Variants in PXN observed in about 807,000 individuals in gnomAD.
The protein encoded by PXN is testicular tissue protein Li 134.
In PXN, 61 loss-of-function variants were observed where a neutral mutation model predicts 103.6. The observed-to-expected ratio is 0.59, with a 90% CI of 0.48 to 0.73. The LOEUF (loss-of-function observed/expected upper bound fraction) is 0.73. Among genes scored for constraint, PXN ranks in the 30% least tolerant of loss-of-function variants. The pLI is 0.00. For synonymous variants in PXN, 562 were observed against 607.8 expected (o/e 0.92, Z 1.11); for missense variants, 1,274 against 1,460.3 (o/e 0.87, Z 2.08).
chr12:120,260,667 C>A (rs976346560), intron 1 of PXN, among the ~76,000 whole-genome samples: 4 of 152,106 alleles, frequency 2.6e-5, no homozygotes, highest in Non-Finnish European at 4.4e-5. Context: ...GTATTATGAA[C>A]AGAAGTGTAA....
rs1410094792 is a variant in PXN, at chr12:120,229,072, C to A, written c.14-4695G>T. On this transcript the variant is annotated intron_variant, in intron 1 of 14. Transcript: ENST00000637617. This position sits in a 1 kb window ranked among gnomAD's most constrained non-coding sequence, Gnocchi z 4.0. ...GGACCGGTTCGCCTGCATTCCAGGG[C>A]AAGTGCTGCAGCTGCATCCCTCACA... 6.6e-6 allele frequency among the ~76,000 whole-genome samples: 1 copy of A among 152,158 alleles called. No homozygotes were observed. The highest frequency in any genetic ancestry group is 6.5e-5 in the Admixed American group (1 of 15,276).
At chr12:120,242,341 C>T (rs750604026) in intron 1 of PXN, among the ~76,000 whole-genome samples, 3 of 152,150 alleles carry the variant, frequency 2.0e-5, no homozygotes, top group African/African-American at 4.8e-5. Flanking sequence ...CCCATCTGCA[C>T]GAGTCTGCCT....
intron 1 of PXN, among the ~76,000 whole-genome samples, chr12:120,235,538 C>T (rs1050151281): frequency 7.9e-5 from 12 of 152,098 alleles, no homozygotes; most frequent in African/African-American, 2.4e-4. Context: ...AGCAGCTGTC[C>T]GTCCTCTGCT....
intron 1 of PXN, chr12:120,227,005 A>G: frequency 1.0e-6 from 1 of 986,926 alleles, no homozygotes; most frequent in Non-Finnish European, 1.2e-6. Flanking sequence ...TAAAATCCAG[A>G]ATAAGGTCTT....
chr12:120,233,429 C>T (rs191175743), intron 1 of PXN, among the ~76,000 whole-genome samples: 4 of 152,238 alleles, frequency 2.6e-5, no homozygotes, highest in Admixed American at 6.5e-5. Context: ...GCCTCAGTCT[C>T]CCAAGTAGCT....
Position 120,265,248 on chromosome 12 carries a change from C to T in PXN, c.13+369G>A, listed in dbSNP as rs1019708742. ...GGAGAGGTCTGCGAGGTGAGGGTCC[C>T]GTAGCTGACGAGGTGGTCTGCCGCA... On this transcript the variant is annotated intron_variant, in intron 1 of 14. Transcript: ENST00000637617. The surrounding 1 kb of genome is among the most constrained non-coding windows in gnomAD (Gnocchi z 5.7). Among the ~76,000 whole-genome samples, 1 of 151,908 alleles carries T rather than the reference C, an allele frequency of 6.6e-6. No homozygotes were observed. The highest frequency in any genetic ancestry group is 1.5e-5 in the Non-Finnish European group (1 of 67,966).
chr12:120,241,374 A>G (rs1890101660), intron 1 of PXN, among the ~76,000 whole-genome samples: 2 of 152,310 alleles, frequency 1.3e-5, no homozygotes, highest in Middle Eastern at 6.8e-3. Context: ...AGGAGGCACA[A>G]AACAGATGTG....
rs755013434 is a variant in PXN at position 120,219,353 on chromosome 12, T to G, written c.1570A>C (p.Arg524=). The change falls in exon 7 of 15, where the codon AGG becomes CGG. Residue 524 remains arginine, a synonymous_variant. Coordinates refer to ENST00000637617, the MANE Select transcript of PXN (RefSeq NM_001385981.1). The surrounding 1 kb of genome is among the most constrained non-coding windows in gnomAD (Gnocchi z 6.5). ...AKMTERGSVA[R]PTQGPETPRS... is the part of the protein sequence containing the mutation. ...GGGGTTTCAGGTCCCTGGGTTGGCCTGGCCACACTTCCCCTCTCGGTCATC... is the reference window on the plus strand; with the variant it reads ...GGGGTTTCAGGTCCCTGGGTTGGCCGGGCCACACTTCCCCTCTCGGTCATC... 3 of 1,598,422 alleles carry G rather than the reference T, an allele frequency of 1.9e-6. No individual in the cohort carries two copies. Among genetic ancestry groups the G allele is most frequent in the Non-Finnish European group, 2.5e-6 (3 of 1,179,798 alleles).
chr12:120,216,503 G>A lies in PXN; in HGVS notation c.2071C>T (p.Gln691Ter), dbSNP rs1041287441. 12 of 1,395,198 alleles carry A rather than the reference G, an allele frequency of 8.6e-6. No individual in the cohort carries two copies. The African/African-American group carries it at 9.0e-5, about 10-fold the overall frequency. The allele number at this position is 1,395,198 out of a possible 1,614,324, so 86.4% of individuals were successfully genotyped here. A position where few individuals can be genotyped will look rare whatever the true frequency, so the allele number is the denominator to read the frequency against. The change falls in exon 9 of 15, where the codon CAG (glutamine) becomes TAG (stop). Residue 691 changes from glutamine (Q) to a stop codon, truncating the protein, a stop_gained. Transcript: ENST00000637617. LOFTEE classifies it high-confidence loss of function. The surrounding 1 kb of genome is among the most constrained non-coding windows in gnomAD (Gnocchi z 5.1). ...CTGGCCGCGGCGTCTGTGCGATGCT[G>A]GAGCAAAGGGACAGAAGGAGAAGCC... ...VLASPSVPLL[Q>*]HRTDAAASSS...
chr12:120,223,824 A>C lies in PXN; in HGVS notation c.250T>G (p.Ser84Ala). The part of the protein sequence containing the change: ...SRFIHQQPQS[S>A]SPVYGSSAKT... The stretch of plus-strand genomic sequence containing the variant: ...GCACTGGAGCCGTACACAGGTGATG[A>C]GGACTGAGGCTGCGAGAAGGAGAAT... The change falls in exon 3 of 15, where the codon TCA becomes GCA. Residue 84 changes from serine to alanine, a missense_variant. Physicochemically the swap from Ser to Ala is moderately conservative, Grantham distance 99. This residue lies in a region of PXN where 1,178 missense variants were observed against 1,309.0 expected (regional missense o/e 0.90). Coordinates refer to ENST00000637617, the MANE Select transcript of PXN (RefSeq NM_001385981.1). The C allele has an allele frequency of 6.2e-7, 1 of 1,601,516 alleles. No homozygotes were observed. Among genetic ancestry groups the C allele is most frequent in the Non-Finnish European group, 8.5e-7 (1 of 1,172,738 alleles).
intron 1 of PXN, among the ~76,000 whole-genome samples, chr12:120,260,212 C>T (rs920859098): frequency 1.3e-5 from 2 of 152,054 alleles, no homozygotes; most frequent in Non-Finnish European, 2.9e-5. Context: ...TGTGTGTCCC[C>T]AAGAAAGAAC....
In PXN at chr12:120,215,283, C is replaced by T. The variant is rs1405554016; in HGVS notation, c.2404-10G>A. The T allele has an allele frequency of 1.3e-5, 20 of 1,578,114 alleles. 2 individuals are homozygous for T. The highest frequency in any genetic ancestry group is 1.2e-4 in the East Asian group (5 of 43,156). The stretch of plus-strand genomic sequence containing the variant: ...TCCCCTGGGCCATGAACTGTGGACA[C>T]GGAGGGGGCTGGTCAGGACTCCTGA... On this transcript the variant is annotated splice_polypyrimidine_tract_variant and intron_variant, in intron 10 of 14. Transcript: ENST00000637617. The surrounding 1 kb of genome is among the most constrained non-coding windows in gnomAD (Gnocchi z 4.9).
At chr12:120,262,058 C>T (rs974728213) in intron 1 of PXN, among the ~76,000 whole-genome samples, 10 of 152,158 alleles carry the variant, frequency 6.6e-5, no homozygotes, top group African/African-American at 2.4e-4. Context: ...CTGACTCTGC[C>T]CTAACACACA....
intron 1 of PXN, among the ~76,000 whole-genome samples, chr12:120,234,465 A>C (rs1443737689): frequency 3.9e-5 from 6 of 152,144 alleles, no homozygotes; most frequent in Admixed American, 3.9e-4. Context: ...TTTGGCAAAC[A>C]ATTTTAAGCA....
chr12:120,260,326 A>G (rs1468090776), intron 1 of PXN, among the ~76,000 whole-genome samples: 1 of 152,116 alleles, frequency 6.6e-6, no homozygotes, highest in Non-Finnish European at 1.5e-5. Flanking sequence ...CCTGACCAAC[A>G]TGGAGAAACT....
In PXN at chr12:120,215,276, G is replaced by A; in HGVS notation, c.2404-3C>T. The A allele has an allele frequency of 6.3e-7, 1 of 1,582,120 alleles. No individual in the cohort carries two copies. On this transcript the variant is annotated splice_polypyrimidine_tract_variant and splice_region_variant and intron_variant, in intron 10 of 14. Coordinates refer to ENST00000637617, the MANE Select transcript of PXN (RefSeq NM_001385981.1). This position sits in a 1 kb window ranked among gnomAD's most constrained non-coding sequence, Gnocchi z 4.9. ...CCTGTCTTCCCCTGGGCCATGAACT[G>A]TGGACACGGAGGGGGCTGGTCAGGA... is the stretch of plus-strand genomic sequence containing the variant.
At position 120,215,769 on chromosome 12, in the gene PXN, T is replaced by C. The variant is rs528167586; in HGVS notation, c.2302-108A>G. The C allele has an allele frequency of 1.1e-4, 141 of 1,320,928 alleles. No homozygotes were observed. The highest frequency in any genetic ancestry group is 1.4e-4 in the Non-Finnish European group (138 of 1,006,022). The allele number at this position is 1,320,928 out of a possible 1,614,324, so 81.8% of individuals were successfully genotyped here. Reference sequence around the variant, plus strand: ...GGAATCTAGGATGAGATCTGAGGGTTTCTCCCCCACCGGCAGGACCAAAAT... The same window carrying C: ...GGAATCTAGGATGAGATCTGAGGGTCTCTCCCCCACCGGCAGGACCAAAAT... On this transcript the variant is annotated intron_variant, in intron 9 of 14. Coordinates refer to ENST00000637617, the MANE Select transcript of PXN (RefSeq NM_001385981.1). This position sits in a 1 kb window ranked among gnomAD's most constrained non-coding sequence, Gnocchi z 4.9.
Position 120,265,721 on chromosome 12 carries a change from G to A in PXN, c.-92C>T, listed in dbSNP as rs1408514820. The A allele has an allele frequency of 5.4e-5, 61 of 1,126,962 alleles. No individual in the cohort carries two copies. Among genetic ancestry groups the A allele is most frequent in the Non-Finnish European group, 6.1e-5 (56 of 914,454 alleles). The allele number at this position is 1,126,962 out of a possible 1,614,324, so 69.8% of individuals were successfully genotyped here. On this transcript the variant is annotated 5_prime_UTR_variant, in exon 1 of 15. Coordinates refer to ENST00000637617, the MANE Select transcript of PXN (RefSeq NM_001385981.1). The surrounding 1 kb of genome is among the most constrained non-coding windows in gnomAD (Gnocchi z 5.7). Reference sequence around the variant, plus strand: ...CCGCAACTTTTCCGCCGCGAGCCTCGGCCCGGAACGGAACGCGCCGCCGCC... The same window carrying A: ...CCGCAACTTTTCCGCCGCGAGCCTCAGCCCGGAACGGAACGCGCCGCCGCC...
In PXN at chr12:120,229,899, G is replaced by C. The variant is rs1230771153; in HGVS notation, c.14-5522C>G. Among the ~76,000 whole-genome samples, 2 of 152,096 alleles carry C rather than the reference G, an allele frequency of 1.3e-5. No homozygotes were observed. Among genetic ancestry groups the C allele is most frequent in the African/African-American group, 4.8e-5 (2 of 41,414 alleles). ...CTGCCACACCAGCCCCAGCGCCAGG[G>C]CCCCGTGGTCCCTGCCCACCTTTGC... On this transcript the variant is annotated intron_variant, in intron 1 of 14. Coordinates refer to ENST00000637617, the MANE Select transcript of PXN (RefSeq NM_001385981.1). This position sits in a 1 kb window ranked among gnomAD's most constrained non-coding sequence, Gnocchi z 4.0.
Sources: allele counts gnomAD v4.1 joint callset (sites outside exome capture counted in the v4.1 genomes callset), GRCh38; gene constraint gnomAD v4.1.1; regional missense constraint gnomAD v4.1.1; non-coding constraint Gnocchi (gnomAD v3.1); transcripts MANE v1.5; gene names NCBI Gene and HGNC (gene_info 2026-07-23, HGNC 2026-07-21).